The following RASGRP1 variants were observed in gnomAD, a reference collection of about 807,000 sequenced individuals.
RASGRP1 encodes the protein RAS guanyl releasing protein 1, also known as RAS guanyl-releasing protein 1.
In RASGRP1, 37 loss-of-function variants were observed where a neutral mutation model predicts 95.1. The ratio of observed to expected loss-of-function variants is 0.39; its 90% CI spans 0.30 to 0.51. The LOEUF (loss-of-function observed/expected upper bound fraction) is 0.51. Among genes scored for constraint, RASGRP1 ranks in the 20% least tolerant of loss-of-function variants. The pLI is 0.80. For missense variants in RASGRP1, 711 were observed against 965.4 expected, an observed-to-expected ratio of 0.74 and a Z score of 3.49; for synonymous variants, 325 against 353.4, an observed-to-expected ratio of 0.92 and a Z score of 0.90.
Position 38,509,010 on chromosome 15 carries a change from C to A in RASGRP1, c.967-1009G>T, listed in dbSNP as rs1215561284. 2.6e-5 allele frequency among the ~76,000 whole-genome samples: 4 copies of A among 152,146 alleles called. No individual in the cohort carries two copies. The South Asian group carries it at 8.3e-4, about 32-fold the overall frequency. On this transcript the variant is annotated intron_variant, in intron 8 of 16. Coordinates refer to ENST00000310803, the MANE Select transcript of RASGRP1 (RefSeq NM_005739.4). ...ACACATTTCTGTTCATGTTTCCCAC[C>A]CACAAATGTAATGCCATTCCCATCA...
At chr15:38,525,735 T>C (rs1350751991) in intron 3 of RASGRP1, among the ~76,000 whole-genome samples, 1 of 152,166 alleles carries the variant, frequency 6.6e-6, no homozygotes, top group Non-Finnish European at 1.5e-5. Context: ...TACAGTGTCA[T>C]CAGTGAGAAA....
chr15:38,516,076 G>T (rs1242837675), intron 6 of RASGRP1, 121 bp downstream of exon 6: 2 of 1,193,342 alleles, frequency 1.7e-6, no homozygotes, highest in Admixed American at 4.8e-5. Flanking sequence ...ATGTCTGGCA[G>T]GAAAGCCTGC....
intron 4 of RASGRP1, among the ~76,000 whole-genome samples, chr15:38,519,046 G>T (rs1381450958): frequency 1.3e-5 from 2 of 151,986 alleles, no homozygotes; most frequent in Non-Finnish European, 2.9e-5. Context: ...GTATAATTAA[G>T]AACAAAAATA....
At chr15:38,546,511 G>A (rs1160455527) in intron 2 of RASGRP1, among the ~76,000 whole-genome samples, 1 of 152,196 alleles carries the variant, frequency 6.6e-6, no homozygotes, top group Non-Finnish European at 1.5e-5. Flanking sequence ...TTACAGGCGT[G>A]AGCCACCGTG....
At chr15:38,502,445 T>A in intron 11 of RASGRP1, 24 bp from the exon 12 acceptor site, 1 of 1,453,968 alleles carries the variant, frequency 6.9e-7, no homozygotes, top group Non-Finnish European at 9.6e-7. Context: ...GTTTTTTTGG[T>A]GATTACTAAA....
At chr15:38,563,931 G>A (rs1197390879) in intron 1 of RASGRP1, among the ~76,000 whole-genome samples, 3 of 152,172 alleles carry the variant, frequency 2.0e-5, no homozygotes, top group Non-Finnish European at 4.4e-5. Context: ...CCTAGTTCTG[G>A]TCCTTTGGCT....
At chr15:38,516,841 G>A (rs930573092) in intron 5 of RASGRP1, among the ~76,000 whole-genome samples, 11 of 152,096 alleles carry the variant, frequency 7.2e-5, no homozygotes, top group East Asian at 1.9e-4. Flanking sequence ...AGGGAATCAC[G>A]CGTAGAAACA....
chr15:38,502,853 T>C (rs777210240), intron 11 of RASGRP1: 1 of 232,216 alleles, frequency 4.3e-6, no homozygotes. Context: ...CATTGTTACA[T>C]GTGAGTTGTC....
At chr15:38,540,645 G>A (rs540423202) in intron 2 of RASGRP1, among the ~76,000 whole-genome samples, 3 of 152,284 alleles carry the variant, frequency 2.0e-5, no homozygotes, top group African/African-American at 7.2e-5. Flanking sequence ...TAATGTCTCT[G>A]GCATTTAACT....
rs1199619426 is a variant in RASGRP1, at chr15:38,542,937, G to GTA, written c.221-16535_221-16534dup. Among the ~76,000 whole-genome samples the GTA allele has an allele frequency of 9.3e-4, 116 of 124,672 alleles. 2 individuals are homozygous for GTA. The highest frequency in any genetic ancestry group is 9.0e-3 in the East Asian group (39 of 4,328). The allele number at this position is 124,672 out of a possible 152,430, so 81.8% of individuals were successfully genotyped here. A position where few individuals can be genotyped will look rare whatever the true frequency, so the allele number is the denominator to read the frequency against. ...TATATGTGTGTATATATATGTGTGT[G>GTA]TATATATATATATACACACATACAT... On this transcript the variant is annotated intron_variant, in intron 2 of 16. Coordinates refer to ENST00000310803, the MANE Select transcript of RASGRP1 (RefSeq NM_005739.4).
At chr15:38,491,165 T>C (rs777384183) in intron 16 of RASGRP1, among the ~76,000 whole-genome samples, 1 of 152,192 alleles carries the variant, frequency 6.6e-6, no homozygotes, top group Admixed American at 6.5e-5. Context: ...TAAGTTGAGA[T>C]TTAGTGGTCT....
At chr15:38,539,787 G>T (rs1225098484) in intron 2 of RASGRP1, among the ~76,000 whole-genome samples, 1 of 151,824 alleles carries the variant, frequency 6.6e-6, no homozygotes. Flanking sequence ...TGTTCTCATT[G>T]TTCAATTCCC....
chr15:38,564,802 T>A lies in RASGRP1; in HGVS notation c.-174A>T. On this transcript the variant is annotated 5_prime_UTR_variant, in exon 1 of 17. In the 5' UTR this introduces an upstream ATG that the reference lacks. Transcript: ENST00000310803. ...ACCGAGGTGCACCGCAGGCACAAACTTTGTGCGAGCGCGCCCCCTCTGCCT... is the reference window on the plus strand; with the variant it reads ...ACCGAGGTGCACCGCAGGCACAAACATTGTGCGAGCGCGCCCCCTCTGCCT... 2 of 381,586 alleles carry A rather than the reference T, an allele frequency of 5.2e-6. No homozygotes were observed. The highest frequency in any genetic ancestry group is 8.0e-6 in the Non-Finnish European group (2 of 251,308). The allele number at this position is 381,586 out of a possible 1,614,324, so 23.6% of individuals were successfully genotyped here.
At chr15:38,548,560 C>A (rs983099894) in intron 2 of RASGRP1, among the ~76,000 whole-genome samples, 3 of 152,104 alleles carry the variant, frequency 2.0e-5, no homozygotes, top group Non-Finnish European at 2.9e-5. Flanking sequence ...TGTGACACAG[C>A]AAGACCCTGT....
At chr15:38,527,845 G>GT (rs1892285256) in intron 2 of RASGRP1, among the ~76,000 whole-genome samples, 1 of 152,070 alleles carries the variant, frequency 6.6e-6, no homozygotes, top group Non-Finnish European at 1.5e-5. Context: ...TGTAATCCCA[G>GT]TGCTTTGGGA....
At chr15:38,535,932 CA>C (rs1892625142) in intron 2 of RASGRP1, among the ~76,000 whole-genome samples, 1 of 152,080 alleles carries the variant, frequency 6.6e-6, no homozygotes, top group Admixed American at 6.5e-5. Flanking sequence ...AAATTGGACA[CA>C]AGTCTGTGGG....
chr15:38,498,683 T>C, intron 15 of RASGRP1, 111 bp downstream of exon 15: 1 of 1,353,968 alleles, frequency 7.4e-7, no homozygotes, highest in Non-Finnish European at 1.0e-6. Flanking sequence ...GGCCTAGCTG[T>C]TGAGGTTACA....
chr15:38,525,625 T>C (rs557492203), intron 3 of RASGRP1, among the ~76,000 whole-genome samples: 1 of 152,314 alleles, frequency 6.6e-6, no homozygotes, highest in East Asian at 1.9e-4. Flanking sequence ...GGAAAAGTGT[T>C]AGAGCAGCTA....
intron 12 of RASGRP1, 103 bp from the exon 13 acceptor site, chr15:38,501,390 C>T: frequency 7.4e-7 from 1 of 1,351,686 alleles, no homozygotes; most frequent in Middle Eastern, 1.8e-4. Flanking sequence ...TTTTTATCCT[C>T]AGTGGTAATA....
Sources: allele counts gnomAD v4.1 joint callset (sites outside exome capture counted in the v4.1 genomes callset), GRCh38; gene constraint gnomAD v4.1.1; transcripts MANE v1.5; gene names NCBI Gene and HGNC (gene_info 2026-07-23, HGNC 2026-07-21).